FTO: variants seen among roughly 807,000 people sequenced by gnomAD.
The protein encoded by FTO is FTO alpha-ketoglutarate dependent dioxygenase, also known as alpha-ketoglutarate-dependent dioxygenase FTO.
FTO carries 47 observed loss-of-function variants against 63.9 expected under a neutral mutation model. The ratio of observed to expected loss-of-function variants is 0.74; its 90% CI spans 0.58 to 0.94. FTO has a LOEUF of 0.94. Among genes scored for constraint, FTO ranks in the 40% least tolerant of loss-of-function variants. The probability of loss-of-function intolerance (pLI) is 0.00; values close to 1 mark genes in which losing one functional copy is unlikely to be tolerated. For synonymous variants in FTO, 207 were observed against 224.4 expected, an observed-to-expected ratio of 0.92 and a Z score of 0.69; for missense variants, 562 against 618.1, an observed-to-expected ratio of 0.91 and a Z score of 0.96.
chr16:53,736,899 T>G (rs746887038), intron 1 of FTO, among the ~76,000 whole-genome samples: 2 of 152,170 alleles, frequency 1.3e-5, no homozygotes, highest in Non-Finnish European at 2.9e-5. Flanking sequence ...TCCATACTCA[T>G]TCCCCTCCCC....
chr16:53,989,374 G>A (rs925613961), intron 8 of FTO, among the ~76,000 whole-genome samples: 1 of 152,202 alleles, frequency 6.6e-6, no homozygotes, highest in Admixed American at 6.5e-5. Context: ...ACATTGCAAA[G>A]GCAAGGTGAT....
At chr16:53,904,537 G>A (rs1213373762) in intron 7 of FTO, among the ~76,000 whole-genome samples, 3 of 152,154 alleles carry the variant, frequency 2.0e-5, no homozygotes, top group African/African-American at 7.2e-5. Context: ...TGATGGGTGC[G>A]GTTAGCGTGA....
intron 1 of FTO, among the ~76,000 whole-genome samples, chr16:53,730,617 C>T (rs922606152): frequency 9.2e-5 from 14 of 152,072 alleles, no homozygotes; most frequent in South Asian, 2.1e-4. Flanking sequence ...AACACAGCCT[C>T]GTGAGTAGCT....
intron 3 of FTO, among the ~76,000 whole-genome samples, chr16:53,828,931 C>T (rs1200433194): frequency 1.3e-5 from 2 of 152,150 alleles, no homozygotes; most frequent in Non-Finnish European, 2.9e-5. Flanking sequence ...TGCTCTATCT[C>T]CCAGGCCGGA....
At chr16:53,922,424 G>A (rs944695636) in intron 7 of FTO, among the ~76,000 whole-genome samples, 4 of 152,052 alleles carry the variant, frequency 2.6e-5, no homozygotes, top group African/African-American at 9.7e-5. Context: ...CCCATATATG[G>A]TGTCTTCTGG....
At chr16:53,811,106 C>G (rs1188565297) in intron 2 of FTO, among the ~76,000 whole-genome samples, 1 of 152,164 alleles carries the variant, frequency 6.6e-6, no homozygotes, top group Non-Finnish European at 1.5e-5. Context: ...AGTTCATGCA[C>G]CTACTCTTGG....
chr16:54,012,525 T>C (rs2084354403), intron 8 of FTO, among the ~76,000 whole-genome samples: 1 of 152,222 alleles, frequency 6.6e-6, no homozygotes, highest in Non-Finnish European at 1.5e-5. Flanking sequence ...AGATTTTCAA[T>C]GTAGACAACC....
intron 1 of FTO, among the ~76,000 whole-genome samples, chr16:53,725,514 A>G (rs1236266944): frequency 1.3e-5 from 2 of 152,134 alleles, no homozygotes; most frequent in Admixed American, 6.5e-5. Context: ...CATAATTTCT[A>G]TTTTTTGCCT....
intron 1 of FTO, among the ~76,000 whole-genome samples, chr16:53,760,942 C>T (rs1167134392): frequency 6.6e-6 from 1 of 151,916 alleles, no homozygotes. Context: ...TTATCTTTCA[C>T]ATTGACTTTG....
intron 1 of FTO, among the ~76,000 whole-genome samples, chr16:53,787,595 C>G (rs765122575): frequency 6.6e-6 from 1 of 152,012 alleles, no homozygotes; most frequent in South Asian, 2.1e-4. Context: ...GTAGGAGAAG[C>G]CTGATTGTTC....
intron 3 of FTO, among the ~76,000 whole-genome samples, chr16:53,834,351 T>C (rs2079231220): frequency 6.6e-6 from 1 of 152,166 alleles, no homozygotes; most frequent in Non-Finnish European, 1.5e-5. Context: ...ATTAATGTGA[T>C]GAGCACGGGA....
intron 7 of FTO, among the ~76,000 whole-genome samples, chr16:53,914,282 A>T (rs1861551): frequency 0.19 from 28,728 of 150,096 alleles, 3,838 homozygotes; most frequent in African/African-American, 0.38. Context: ...GTCCTGTTTC[A>T]AATTCTGTTT....
chr16:53,990,470 C>T (rs2083782055), intron 8 of FTO, among the ~76,000 whole-genome samples: 1 of 152,032 alleles, frequency 6.6e-6, no homozygotes, highest in African/African-American at 2.4e-5. Flanking sequence ...TCACTTGCTG[C>T]CCTCACACCA....
chr16:53,941,160 G>A (rs1301724045), intron 8 of FTO, among the ~76,000 whole-genome samples: 1 of 152,190 alleles, frequency 6.6e-6, no homozygotes, highest in African/African-American at 2.4e-5. Flanking sequence ...AAACCGACAA[G>A]TCGGCACCGT....
At chr16:53,707,343 T>A (rs1477611269) in intron 1 of FTO, among the ~76,000 whole-genome samples, 1 of 152,202 alleles carries the variant, frequency 6.6e-6, no homozygotes, top group Non-Finnish European at 1.5e-5. Context: ...CTCTCTCTCC[T>A]TTCTGTTAAA....
At chr16:53,748,105 T>C (rs1234783249) in intron 1 of FTO, among the ~76,000 whole-genome samples, 3 of 152,192 alleles carry the variant, frequency 2.0e-5, no homozygotes, top group African/African-American at 4.8e-5. Context: ...CCAGCTTTGT[T>C]CTTTTTGTGC....
intron 7 of FTO, among the ~76,000 whole-genome samples, chr16:53,929,982 C>G (rs1259275270): frequency 1.3e-5 from 2 of 152,162 alleles, no homozygotes; most frequent in African/African-American, 2.4e-5. Context: ...CTTGGGGACT[C>G]TGCACATGAG....
chr16:54,025,717 T>TA (rs2084698356), intron 8 of FTO, among the ~76,000 whole-genome samples: 1 of 128,192 alleles, frequency 7.8e-6, no homozygotes, highest in African/African-American at 3.3e-5. Context: ...AGACTCCATC[T>TA]CAAAAAAAAA....
intron 1 of FTO, among the ~76,000 whole-genome samples, chr16:53,721,491 C>T (rs188195648): frequency 1.3e-5 from 2 of 152,024 alleles, no homozygotes; most frequent in Non-Finnish European, 2.9e-5. Flanking sequence ...CTTTCAATTG[C>T]AGTTACATTA....
Sources: gnomAD v4.1 joint callset for allele counts (sites outside exome capture counted in the v4.1 genomes callset) on GRCh38, gnomAD v4.1.1 for gene constraint, MANE v1.5 for transcripts, NCBI Gene and HGNC (gene_info 2026-07-23, HGNC 2026-07-21) for gene names.